CREB5: variants seen among roughly 807,000 people sequenced by gnomAD.
CREB5 encodes the protein cyclic AMP-responsive element-binding protein 5.
Under a neutral mutation model 57.1 loss-of-function variants are expected in CREB5, and 19 were observed. The observed-to-expected ratio is 0.33, with a 90% confidence interval of 0.23 to 0.49. The LOEUF (loss-of-function observed/expected upper bound fraction) is 0.49, where lower values mean the gene tolerates loss of function less well. Among genes scored for constraint, CREB5 ranks in the 20% least tolerant of loss-of-function variants. The probability of loss-of-function intolerance (pLI) is 0.99; values close to 1 mark genes in which losing one functional copy is unlikely to be tolerated. For missense variants in CREB5, 579 were observed against 671.6 expected, an observed-to-expected ratio of 0.86 and a Z score of 1.52; for synonymous variants, 238 against 238.3, an observed-to-expected ratio of 1.00 and a Z score of 0.01.
At chr7:28,627,503 C>T (rs1234066049) in intron 5 of CREB5, among the ~76,000 whole-genome samples, 1 of 152,168 alleles carries the variant, frequency 6.6e-6, no homozygotes, top group Non-Finnish European at 1.5e-5. Flanking sequence ...GGTTGCAAAA[C>T]ACTGGGCTGA....
chr7:28,496,382 T>A (rs1434516021), intron 3 of CREB5, among the ~76,000 whole-genome samples: 1 of 152,236 alleles, frequency 6.6e-6, no homozygotes, highest in Non-Finnish European at 1.5e-5. Context: ...TATTTTAAAT[T>A]CTTTTTTACT....
chr7:28,557,073 T>TA (rs1321192813), intron 4 of CREB5, among the ~76,000 whole-genome samples: 1 of 142,348 alleles, frequency 7.0e-6, no homozygotes, highest in South Asian at 2.2e-4. Context: ...TTTCCTACAA[T>TA]CTGTTCCCAC....
intron 7 of CREB5, among the ~76,000 whole-genome samples, chr7:28,751,235 C>T (rs575790637): frequency 6.6e-6 from 1 of 152,168 alleles, no homozygotes; most frequent in African/African-American, 2.4e-5. Flanking sequence ...GAAAGGCATT[C>T]CTTCTTCTCT....
At chr7:28,688,532 A>G (rs1356740354) in intron 5 of CREB5, among the ~76,000 whole-genome samples, 1 of 152,234 alleles carries the variant, frequency 6.6e-6, no homozygotes, top group Non-Finnish European at 1.5e-5. Flanking sequence ...GAAAACCTTC[A>G]AAGATCATGA....
At chr7:28,528,873 T>C (rs1243046067) in intron 4 of CREB5, among the ~76,000 whole-genome samples, 1 of 152,142 alleles carries the variant, frequency 6.6e-6, no homozygotes, top group East Asian at 1.9e-4. Flanking sequence ...CTGAACATTA[T>C]CTCAGAATCT....
At chr7:28,309,313 T>A (rs756861999) in intron 1 of CREB5, among the ~76,000 whole-genome samples, 7 of 152,220 alleles carry the variant, frequency 4.6e-5, no homozygotes, top group Non-Finnish European at 7.3e-5. Context: ...GCTTAGAGTA[T>A]GTGCTTAATA....
intron 1 of CREB5, among the ~76,000 whole-genome samples, chr7:28,397,556 A>T (rs1016969975): frequency 6.6e-6 from 1 of 152,222 alleles, no homozygotes; most frequent in Admixed American, 6.5e-5. Flanking sequence ...GGCTAGAATC[A>T]TTGGCATCTT....
At chr7:28,497,111 A>G (rs1792089760) in intron 3 of CREB5, among the ~76,000 whole-genome samples, 1 of 152,142 alleles carries the variant, frequency 6.6e-6, no homozygotes. Context: ...GTGGTAAAGG[A>G]GTGGGAGGTG....
rs138925999 is a variant in CREB5, at chr7:28,597,885, C to A, written c.464+27348C>A. 1.8e-4 allele frequency among the ~76,000 whole-genome samples: 27 copies of A among 152,282 alleles called. No individual in the cohort carries two copies. The East Asian group carries it at 4.4e-3, about 25-fold the overall frequency. ...CCTGCCACAGGGAAAAGAGACAATA[C>A]ATGGTCACTACATTTGAATTCTGAG... On this transcript the variant is annotated intron_variant, in intron 5 of 10. Coordinates refer to ENST00000357727, the MANE Select transcript of CREB5 (RefSeq NM_182898.4).
At chr7:28,422,710 T>A (rs777428023) in intron 1 of CREB5, among the ~76,000 whole-genome samples, 27 of 152,204 alleles carry the variant, frequency 1.8e-4, no homozygotes, top group Non-Finnish European at 2.9e-4. Context: ...GTGCATACAT[T>A]ACATGTATTA....
chr7:28,401,144 C>T (rs527766463), intron 1 of CREB5, among the ~76,000 whole-genome samples: 3 of 152,196 alleles, frequency 2.0e-5, no homozygotes, highest in South Asian at 4.2e-4. Flanking sequence ...TTAATCGAGT[C>T]GCTTTCAAAG....
chr7:28,443,005 A>C (rs756543356), intron 1 of CREB5, among the ~76,000 whole-genome samples: 1 of 152,208 alleles, frequency 6.6e-6, no homozygotes. Context: ...AGAGCTCTCT[A>C]TATGCCTTAT....
chr7:28,520,018 G>T (rs948605839), intron 4 of CREB5, among the ~76,000 whole-genome samples: 1 of 152,218 alleles, frequency 6.6e-6, no homozygotes, highest in Admixed American at 6.5e-5. Flanking sequence ...ATGAGTTGGT[G>T]TTAGAAGGGA....
intron 5 of CREB5, among the ~76,000 whole-genome samples, chr7:28,605,660 T>C (rs895263692): frequency 5.9e-5 from 9 of 152,222 alleles, no homozygotes; most frequent in African/African-American, 2.2e-4. Context: ...CTCGTCCATC[T>C]CTGGTCTTGT....
chr7:28,459,125 A>C (rs1449856857), intron 1 of CREB5, among the ~76,000 whole-genome samples: 1 of 152,166 alleles, frequency 6.6e-6, no homozygotes, highest in Admixed American at 6.5e-5. Context: ...GCCCCAGTGA[A>C]AGTGGGCTTT....
Position 28,770,288 on chromosome 7 carries a change from C to T in CREB5, c.703-33911C>T, listed in dbSNP as rs536240268. 5.9e-5 allele frequency among the ~76,000 whole-genome samples: 9 copies of T among 152,280 alleles called. No individual in the cohort carries two copies. The East Asian group carries it at 1.5e-3, about 26-fold the overall frequency. On this transcript the variant is annotated intron_variant, in intron 7 of 10. Coordinates refer to ENST00000357727, the MANE Select transcript of CREB5 (RefSeq NM_182898.4). Reference sequence around the variant, plus strand: ...GAGGAACAAGCTCATTGCAGTCTTTCTTGGGCATCTATGAAAGCCTGTAAT... The same window carrying T: ...GAGGAACAAGCTCATTGCAGTCTTTTTTGGGCATCTATGAAAGCCTGTAAT...
chr7:28,742,774 T>C (rs190286103), intron 7 of CREB5, among the ~76,000 whole-genome samples: 57 of 152,298 alleles, frequency 3.7e-4, no homozygotes, highest in Admixed American at 9.1e-4. Context: ...CTGTTGCTTT[T>C]TCTTATTTTG....
At chr7:28,797,484 G>A (rs1411121709) in intron 7 of CREB5, among the ~76,000 whole-genome samples, 2 of 152,104 alleles carry the variant, frequency 1.3e-5, no homozygotes, top group African/African-American at 4.8e-5. Context: ...TTCCTCCTGG[G>A]TAATGTTTCC....
chr7:28,428,613 G>A (rs1034484060), intron 1 of CREB5, among the ~76,000 whole-genome samples: 39 of 152,212 alleles, frequency 2.6e-4, no homozygotes, highest in African/African-American at 8.4e-4. Context: ...GTCATCGACT[G>A]AGATGGGGAA....
Sources: gnomAD v4.1 joint callset for allele counts (sites outside exome capture counted in the v4.1 genomes callset) on GRCh38, gnomAD v4.1.1 for gene constraint, MANE v1.5 for transcripts, NCBI Gene and HGNC (gene_info 2026-07-23, HGNC 2026-07-21) for gene names.